Variants in MAP3K9 observed in about 807,000 individuals in gnomAD.
MAP3K9 encodes mixed lineage kinase 1 (tyr and ser/thr specificity).
In MAP3K9, 46 loss-of-function variants were observed where a neutral mutation model predicts 95.8. The observed-to-expected ratio is 0.48, with a 90% CI of 0.38 to 0.61. The LOEUF is 0.61. Ranked by LOEUF, MAP3K9 falls within the 20% of genes least tolerant of loss-of-function variation. The pLI is 0.00. For missense variants in MAP3K9, 1,296 were observed against 1,474.3 expected (o/e 0.88, Z 1.98); for synonymous variants, 533 against 593.8 (o/e 0.90, Z 1.49).
In MAP3K9 at chr14:70,738,327, C is replaced by G. The variant is rs924647813; in HGVS notation, c.1762G>C (p.Glu588Gln). 2.6e-5 allele frequency: 42 copies of G among 1,612,798 alleles called. No homozygotes were observed. Among genetic ancestry groups the G allele is most frequent in the Non-Finnish European group, 3.5e-5 (41 of 1,179,244 alleles). ...CCCTTCTTCTTTGGGGCCCTCTTCT[C>G]CTCCTCCTCCCCTTCCTCCTTTGGG... ...VVPKEEGEEE[E>Q]KRAPKKKGRT... is the part of the protein sequence containing the mutation. The change falls in exon 8 of 12, where the codon GAG (glutamate) becomes CAG (glutamine). Residue 588 changes from glutamate to glutamine, a missense_variant. By Grantham distance (29) the Glu-to-Gln change is conservative. Transcript: ENST00000554752.
At chr14:70,771,386 A>G (rs911556531) in intron 2 of MAP3K9, among the ~76,000 whole-genome samples, 2 of 152,088 alleles carry the variant, frequency 1.3e-5, no homozygotes, top group African/African-American at 2.4e-5. Flanking sequence ...CTCTCCTGAT[A>G]TGCAAAATCC....
chr14:70,749,688 A>C (rs1463534356), intron 4 of MAP3K9: 1 of 458,948 alleles, frequency 2.2e-6, no homozygotes, highest in East Asian at 3.4e-5. Context: ...TAATATGCTG[A>C]AGTGCCGGAT....
chr14:70,743,734 G>A (rs1333289074), intron 5 of MAP3K9, among the ~76,000 whole-genome samples: 1 of 152,178 alleles, frequency 6.6e-6, no homozygotes, highest in East Asian at 1.9e-4. Context: ...TGGAGAAACA[G>A]GAATGCTTTT....
chr14:70,740,313 A>C, intron 6 of MAP3K9, 149 bp from the exon 7 acceptor site: 1 of 852,194 alleles, frequency 1.2e-6, no homozygotes, highest in Middle Eastern at 3.4e-4. Flanking sequence ...TCTCTTTTAG[A>C]ATCATCTCTT....
intron 2 of MAP3K9, among the ~76,000 whole-genome samples, chr14:70,799,957 T>C (rs1184288681): frequency 6.6e-6 from 1 of 152,260 alleles, no homozygotes; most frequent in African/African-American, 2.4e-5. Flanking sequence ...CTAGCCCTGC[T>C]GAGTCAGCCA....
chr14:70,800,033 T>A (rs1282043494), intron 2 of MAP3K9, among the ~76,000 whole-genome samples: 1 of 152,200 alleles, frequency 6.6e-6, no homozygotes, highest in Non-Finnish European at 1.5e-5. Context: ...AAATCCAGTT[T>A]ATGGATTCTG....
chr14:70,732,932 G>A lies in MAP3K9; in HGVS notation c.2437C>T (p.Arg813Ter). The A allele has an allele frequency of 5.6e-6, 9 of 1,614,020 alleles. No individual in the cohort carries two copies. Among genetic ancestry groups the A allele is most frequent in the Non-Finnish European group, 7.6e-6 (9 of 1,179,914 alleles). Residue 813 changes from arginine (R) to a stop codon, truncating the protein, a stop_gained, in exon 11 of 12, where the codon CGA becomes TGA. Coordinates refer to ENST00000554752, the MANE Select transcript of MAP3K9 (RefSeq NM_001284230.2). LOFTEE classifies it high-confidence loss of function. ...GGCTCCTCCTTCTTGAAAAGCTTTC[G>A]GGATGGGGGGCTGGTGCTCCGACGA... The part of the protein sequence containing the change: ...RPRRSTSPPS[R>*]KLFKKEEPML...
chr14:70,809,380 C>T lies in MAP3K9; in HGVS notation c.-209G>A, dbSNP rs1021418264. 132 of 551,206 alleles carry T rather than the reference C, an allele frequency of 2.4e-4. No homozygotes were observed. Among genetic ancestry groups the T allele is most frequent in the Non-Finnish European group, 3.4e-4 (126 of 370,116 alleles). 34.1% of individuals were successfully genotyped at this position (551,206 alleles called of 1,614,324 possible). On this transcript the variant is annotated 5_prime_UTR_variant, in exon 1 of 12. Transcript: ENST00000554752. ...CGCCGAGCGCGAGCTCTTCGCGCAG[C>T]CTAGGGGCGCAGCGGGCCGAGTCCC...
intron 3 of MAP3K9, among the ~76,000 whole-genome samples, chr14:70,755,313 A>G (rs1028488990): frequency 4.6e-5 from 7 of 152,194 alleles, no homozygotes; most frequent in African/African-American, 1.7e-4. Flanking sequence ...CGGTGGGCTG[A>G]TCATTCAGAA....
intron 2 of MAP3K9, among the ~76,000 whole-genome samples, chr14:70,784,860 G>A (rs1174125164): frequency 6.6e-6 from 1 of 152,152 alleles, no homozygotes; most frequent in Non-Finnish European, 1.5e-5. Context: ...AGGTACCAGA[G>A]GTCCTGGGTT....
Position 70,730,679 on chromosome 14 carries a change from G to A in MAP3K9, c.3016C>T (p.Pro1006Ser), listed in dbSNP as rs778373003. ...TGGCTGGGGGACACAAACCACCAAG[G>A]GTCCAGCCGTTGCCGGTTGGCAGAA... ...RPSANRQRLD[P>S]WWFVSPSHAR... Residue 1006 changes from proline to serine, a missense_variant, in exon 12 of 12, where the codon CCT (proline) becomes TCT (serine). Transcript: ENST00000554752. 1.2e-6 allele frequency: 2 copies of A among 1,613,764 alleles called. No homozygotes were observed. The highest frequency in any genetic ancestry group is 1.7e-6 in the Non-Finnish European group (2 of 1,180,018).
chr14:70,738,299 C>T lies in MAP3K9; in HGVS notation c.1790G>A (p.Arg597Gln), dbSNP rs139436577. 3.7e-6 allele frequency: 6 copies of T among 1,613,958 alleles called. No homozygotes were observed. The highest frequency in any genetic ancestry group is 3.4e-6 in the Non-Finnish European group (4 of 1,179,956). ...EEKRAPKKKG[R>Q]TWGPGTLGQK... ...ACCAAGCGTCCCTGGCCCCCACGTCCGTCCCTTCTTCTTTGGGGCCCTCTT... is the reference window on the plus strand; with the variant it reads ...ACCAAGCGTCCCTGGCCCCCACGTCTGTCCCTTCTTCTTTGGGGCCCTCTT... The change falls in exon 8 of 12, where the codon CGG becomes CAG. Residue 597 changes from arginine (R) to glutamine (Q), a missense_variant. Coordinates refer to ENST00000554752, the MANE Select transcript of MAP3K9 (RefSeq NM_001284230.2).
At position 70,800,945 on chromosome 14, in the gene MAP3K9, A is replaced by C; in HGVS notation, c.542T>G (p.Ile181Ser). Residue 181 changes from isoleucine to serine, a missense_variant, in exon 2 of 12, where the codon ATC becomes AGC. Coordinates refer to ENST00000554752, the MANE Select transcript of MAP3K9 (RefSeq NM_001284230.2). ...KAARHDPDED[I>S]SQTIENVRQE... ...GCGAACATTCTCTATGGTCTGGCTG[A>C]TGTCCTCATCAGGGTCGTGGCGAGC... The C allele has an allele frequency of 6.2e-7, 1 of 1,614,174 alleles. No individual in the cohort carries two copies. The highest frequency in any genetic ancestry group is 8.5e-7 in the Non-Finnish European group (1 of 1,180,034).
Position 70,749,922 on chromosome 14 carries a change from G to T in MAP3K9, c.1150+11C>A. ...GTGTCTCCAGTTTGGTTCAGGCCAG[G>T]GCTTACTTACCTTCCATGAGTTTGG... On this transcript the variant is annotated intron_variant, in intron 4 of 11. Transcript: ENST00000554752. The T allele has an allele frequency of 6.2e-7, 1 of 1,614,158 alleles. No homozygotes were observed.
intron 1 of MAP3K9, among the ~76,000 whole-genome samples, chr14:70,802,552 C>CTT (rs1229330755): frequency 6.6e-6 from 1 of 152,176 alleles, no homozygotes; most frequent in Non-Finnish European, 1.5e-5. Context: ...ACCCTGTTCT[C>CTT]TATCTTCTTT....
chr14:70,771,066 T>C (rs1025459839), intron 2 of MAP3K9, among the ~76,000 whole-genome samples: 3 of 152,158 alleles, frequency 2.0e-5, no homozygotes, highest in African/African-American at 7.2e-5. Context: ...TTTTTTGCTT[T>C]CCCTACTGTC....
intron 5 of MAP3K9, among the ~76,000 whole-genome samples, chr14:70,747,698 C>T (rs1331940627): frequency 6.6e-6 from 1 of 152,102 alleles, no homozygotes; most frequent in Non-Finnish European, 1.5e-5. Context: ...CATAGGACTC[C>T]TGGATAAAAC....
At chr14:70,792,650 TG>T (rs2054819466) in intron 2 of MAP3K9, among the ~76,000 whole-genome samples, 2 of 152,234 alleles carry the variant, frequency 1.3e-5, no homozygotes, top group African/African-American at 4.8e-5. Context: ...GAGCCTTAGC[TG>T]CTTCCTCCAT....
chr14:70,805,472 G>A (rs1330521562), intron 1 of MAP3K9, among the ~76,000 whole-genome samples: 1 of 152,064 alleles, frequency 6.6e-6, no homozygotes, highest in Non-Finnish European at 1.5e-5. Context: ...TGAGCTCCTG[G>A]GTTATTTATA....
Sources: gnomAD v4.1 joint callset for allele counts (sites outside exome capture counted in the v4.1 genomes callset) on GRCh38, gnomAD v4.1.1 for gene constraint, MANE v1.5 for transcripts, NCBI Gene and HGNC (gene_info 2026-07-23, HGNC 2026-07-21) for gene names.